The following PIGK variants were observed in gnomAD, a reference collection of about 807,000 sequenced individuals.
PIGK encodes the protein phosphatidylinositol glycan anchor biosynthesis class K.
PIGK carries 42 observed loss-of-function variants against 50.6 expected under a neutral mutation model. The ratio of observed to expected loss-of-function variants is 0.83; its 90% CI spans 0.65 to 1.07. The LOEUF is 1.07. Among genes scored for constraint, PIGK ranks in the 50% least tolerant of loss-of-function variants. The pLI is 0.00. For synonymous variants in PIGK, 151 were observed against 156.0 expected (o/e 0.97, Z 0.24); for missense variants, 448 against 488.7 (o/e 0.92, Z 0.78).
intron 10 of PIGK, among the ~76,000 whole-genome samples, chr1:77,109,217 C>A (rs1169303507): frequency 3.3e-5 from 5 of 152,132 alleles, no homozygotes; most frequent in Admixed American, 2.0e-4. Flanking sequence ...TGAAACTATT[C>A]CAATTAATAG....
At chr1:77,119,373 T>C (rs757502018) in intron 10 of PIGK, among the ~76,000 whole-genome samples, 1 of 152,242 alleles carries the variant, frequency 6.6e-6, no homozygotes, top group Non-Finnish European at 1.5e-5. Context: ...AATTATTTTA[T>C]AGTTCTCTTC....
chr1:77,200,511 CTG>C (rs1170666290), intron 3 of PIGK, among the ~76,000 whole-genome samples: 1 of 151,766 alleles, frequency 6.6e-6, no homozygotes, highest in Non-Finnish European at 1.5e-5. Flanking sequence ...TATCTATAGA[CTG>C]TCATAAGAAT....
chr1:77,205,740 G>GTGT (rs1382469198), intron 3 of PIGK, among the ~76,000 whole-genome samples: 1 of 152,046 alleles, frequency 6.6e-6, no homozygotes, highest in Non-Finnish European at 1.5e-5. Flanking sequence ...TAACTGAATT[G>GTGT]ACTACAGTTT....
intron 1 of PIGK, among the ~76,000 whole-genome samples, chr1:77,211,470 T>C (rs940868598): frequency 6.6e-6 from 1 of 152,030 alleles, no homozygotes; most frequent in Non-Finnish European, 1.5e-5. Context: ...GATCACTCTC[T>C]ACAGTGAGAA....
chr1:77,159,131 C>G (rs899203566), intron 8 of PIGK, among the ~76,000 whole-genome samples: 4 of 152,088 alleles, frequency 2.6e-5, no homozygotes, highest in Admixed American at 6.5e-5. Flanking sequence ...GTCCTGTGTC[C>G]CAGCCACTCC....
intron 1 of PIGK, among the ~76,000 whole-genome samples, chr1:77,214,895 C>T (rs1656516287): frequency 6.6e-6 from 1 of 152,020 alleles, no homozygotes; most frequent in African/African-American, 2.4e-5. Flanking sequence ...TGCAATCCCA[C>T]TTACAATAAC....
At chr1:77,218,051 A>G (rs1656621704) in intron 1 of PIGK, among the ~76,000 whole-genome samples, 1 of 152,210 alleles carries the variant, frequency 6.6e-6, no homozygotes, top group African/African-American at 2.4e-5. Context: ...ATAAATATAT[A>G]TGAAGTTCAT....
intron 10 of PIGK, among the ~76,000 whole-genome samples, chr1:77,109,933 G>T (rs1387269019): frequency 1.3e-5 from 2 of 151,996 alleles, no homozygotes; most frequent in South Asian, 2.1e-4. Context: ...AAAATCAATG[G>T]GCAAAAATCA....
At chr1:77,213,007 C>A (rs1469267963) in intron 1 of PIGK, among the ~76,000 whole-genome samples, 1 of 152,174 alleles carries the variant, frequency 6.6e-6, no homozygotes, top group Non-Finnish European at 1.5e-5. Context: ...TCACTGCAAC[C>A]TCCACCTCCT....
At chr1:77,152,652 A>G (rs561000377) in intron 9 of PIGK, among the ~76,000 whole-genome samples, 4 of 152,066 alleles carry the variant, frequency 2.6e-5, no homozygotes, top group Admixed American at 2.0e-4. Context: ...AAACAACTCA[A>G]TGGCAAAAAA....
chr1:77,196,678 TGTTGA>T (rs1656045903), intron 3 of PIGK, among the ~76,000 whole-genome samples: 1 of 152,122 alleles, frequency 6.6e-6, no homozygotes, highest in Non-Finnish European at 1.5e-5. Context: ...GGTTTTTGCT[TGTTGA>T]GTTGTTTATG....
chr1:77,130,882 T>G (rs1286420364), intron 9 of PIGK, among the ~76,000 whole-genome samples: 1 of 152,130 alleles, frequency 6.6e-6, no homozygotes, highest in Non-Finnish European at 1.5e-5. Flanking sequence ...ACATATAAAA[T>G]GACTACATAC....
At chr1:77,215,308 A>G (rs991347987) in intron 1 of PIGK, among the ~76,000 whole-genome samples, 9 of 152,178 alleles carry the variant, frequency 5.9e-5, no homozygotes, top group African/African-American at 2.2e-4. Flanking sequence ...ATGGCCCACA[A>G]GTGTATGAAA....
At chr1:77,149,322 A>G (rs1443101817) in intron 9 of PIGK, among the ~76,000 whole-genome samples, 4 of 152,174 alleles carry the variant, frequency 2.6e-5, no homozygotes, top group Non-Finnish European at 5.9e-5. Context: ...TAACTGGATT[A>G]AAAAACAAGA....
chr1:77,193,389 C>G (rs1361783561), intron 3 of PIGK, among the ~76,000 whole-genome samples: 1 of 152,076 alleles, frequency 6.6e-6, no homozygotes, highest in African/African-American at 2.4e-5. Context: ...ACATGCCACA[C>G]TGGAGTTTGT....
intron 8 of PIGK, among the ~76,000 whole-genome samples, chr1:77,155,069 C>G (rs1215421447): frequency 6.6e-6 from 1 of 152,112 alleles, no homozygotes; most frequent in Non-Finnish European, 1.5e-5. Context: ...TACATGGAGC[C>G]CCAATATGTA....
At chr1:77,150,526 T>C (rs1654874243) in intron 9 of PIGK, among the ~76,000 whole-genome samples, 1 of 147,692 alleles carries the variant, frequency 6.8e-6, no homozygotes, top group African/African-American at 2.5e-5. Flanking sequence ...GAAAAAGAAA[T>C]TGAGACTAAA....
intron 9 of PIGK, among the ~76,000 whole-genome samples, chr1:77,132,136 A>G (rs1654386669): frequency 1.3e-5 from 2 of 152,114 alleles, no homozygotes; most frequent in South Asian, 4.1e-4. Context: ...AGTGATTTTT[A>G]TATCCTTATA....
chr1:77,188,326 C>A (rs1387188657), intron 3 of PIGK, among the ~76,000 whole-genome samples: 3 of 152,136 alleles, frequency 2.0e-5, no homozygotes, highest in African/African-American at 7.2e-5. Flanking sequence ...GGCTTATAAA[C>A]AGCCCCCCCA....
Sources: gnomAD v4.1 joint callset for allele counts (sites outside exome capture counted in the v4.1 genomes callset) on GRCh38, gnomAD v4.1.1 for gene constraint, MANE v1.5 for transcripts, NCBI Gene and HGNC (gene_info 2026-07-23, HGNC 2026-07-21) for gene names.